Variants in TMEM131 observed in about 807,000 individuals in gnomAD.
TMEM131 encodes transmembrane protein 131.
TMEM131 carries 66 observed loss-of-function variants against 211.6 expected under a neutral mutation model. That is an observed-to-expected ratio of 0.31 (90% CI 0.26 to 0.38). The LOEUF (loss-of-function observed/expected upper bound fraction) is 0.38. TMEM131 is among the 10% of genes least tolerant of loss of function. TMEM131 has a pLI of 1.00. For missense variants in TMEM131, 2,036 were observed against 2,299.3 expected, an observed-to-expected ratio of 0.89 and a Z score of 2.34; for synonymous variants, 844 against 841.3, an observed-to-expected ratio of 1.00 and a Z score of -0.06.
At chr2:97,826,469 G>A (rs1041423540) in intron 11 of TMEM131, among the ~76,000 whole-genome samples, 12 of 152,134 alleles carry the variant, frequency 7.9e-5, no homozygotes, top group African/African-American at 2.7e-4. Flanking sequence ...GTCTCACACC[G>A]CCGAAGCCAT....
At chr2:97,837,619 A>G (rs975308575) in intron 7 of TMEM131, among the ~76,000 whole-genome samples, 1 of 152,242 alleles carries the variant, frequency 6.6e-6, no homozygotes, top group Non-Finnish European at 1.5e-5. Context: ...TATTTGAGAT[A>G]TATACAAAAT....
At chr2:97,821,195 A>G (rs1183206773) in intron 11 of TMEM131, among the ~76,000 whole-genome samples, 4 of 152,206 alleles carry the variant, frequency 2.6e-5, no homozygotes, top group African/African-American at 9.7e-5. Flanking sequence ...CTCTGTGTCT[A>G]GCTAAAGGAT....
intron 1 of TMEM131, among the ~76,000 whole-genome samples, chr2:97,959,482 T>C (rs114046197): frequency 0.012 from 1,816 of 152,316 alleles, 38 homozygotes; most frequent in African/African-American, 0.041. Context: ...AACAACTGTA[T>C]TTATCAGATT....
At chr2:97,767,803 T>C (rs1369543105) in intron 33 of TMEM131, among the ~76,000 whole-genome samples, 1 of 152,182 alleles carries the variant, frequency 6.6e-6, no homozygotes, top group Admixed American at 6.5e-5. Flanking sequence ...ATCCTCCAAG[T>C]TCTTCACGCA....
Position 97,766,578 on chromosome 2 carries a change from G to T in TMEM131, c.4473C>A (p.Pro1491=). The change falls in exon 34 of 41, where the codon CCC becomes CCA. Residue 1491 remains proline (P), a synonymous_variant. Transcript: ENST00000186436. ...TTCTACGTTGCTTACTTTCCAAAGG[G>T]GGAGTATATGGTAGTTCTAATGAAC... ...KPSSLELPYT[P]PLESKQRRNL... 6.2e-7 allele frequency: 1 copy of T among 1,613,896 alleles called. No individual in the cohort carries two copies. Among genetic ancestry groups the T allele is most frequent in the Non-Finnish European group, 8.5e-7 (1 of 1,179,850 alleles).
At chr2:97,930,455 A>C (rs935259890) in intron 1 of TMEM131, among the ~76,000 whole-genome samples, 1 of 151,878 alleles carries the variant, frequency 6.6e-6, no homozygotes, top group African/African-American at 2.4e-5. Flanking sequence ...AGTATGAGTT[A>C]TGTTAAAAAT....
chr2:97,821,968 T>C (rs1027199197), intron 11 of TMEM131, among the ~76,000 whole-genome samples: 9 of 152,212 alleles, frequency 5.9e-5, no homozygotes, highest in African/African-American at 1.9e-4. Flanking sequence ...AAAAAGTTGG[T>C]TGACTGTGGC....
At chr2:97,851,767 C>CT (rs767661420) in intron 5 of TMEM131, among the ~76,000 whole-genome samples, 19 of 152,212 alleles carry the variant, frequency 1.2e-4, no homozygotes, top group Non-Finnish European at 2.4e-4. Flanking sequence ...TATGTGTGTT[C>CT]TCATTGCTCC....
chr2:97,962,592 C>A (rs554264546), intron 1 of TMEM131, among the ~76,000 whole-genome samples: 2 of 152,162 alleles, frequency 1.3e-5, no homozygotes, highest in African/African-American at 2.4e-5. Context: ...GTAAAATCAA[C>A]TGGAACTCTC....
Position 97,960,235 on chromosome 2 carries a change from C to A in TMEM131, c.188-32748G>T, listed in dbSNP as rs1456839137. ...TAATTTTTAGCATCCATTGACAATT[C>A]CTGCCTGAGTCAATGATTACAGTGG... On this transcript the variant is annotated intron_variant, in intron 1 of 40. Transcript: ENST00000186436. 2.6e-5 allele frequency among the ~76,000 whole-genome samples: 4 copies of A among 152,152 alleles called. No individual in the cohort carries two copies. In the East Asian group the frequency reaches 7.7e-4, roughly 29 times the overall value.
chr2:97,935,770 T>A (rs1677415524), intron 1 of TMEM131, among the ~76,000 whole-genome samples: 1 of 152,196 alleles, frequency 6.6e-6, no homozygotes, highest in African/African-American at 2.4e-5. Context: ...TTCTAAGAAC[T>A]CTGGCAATTA....
chr2:97,831,028 TAAGAA>T (rs1682657186), intron 11 of TMEM131, among the ~76,000 whole-genome samples: 1 of 152,164 alleles, frequency 6.6e-6, no homozygotes, highest in Non-Finnish European at 1.5e-5. Flanking sequence ...GGGAAAACCT[TAAGAA>T]GAGCTCTGAA....
At chr2:97,793,575 G>A in intron 29 of TMEM131, 22 bp from the exon 30 acceptor site, 1 of 1,577,100 alleles carries the variant, frequency 6.3e-7, no homozygotes, top group Non-Finnish European at 8.6e-7. Flanking sequence ...AAAAAAATTG[G>A]AAAATCAGGA....
intron 1 of TMEM131, among the ~76,000 whole-genome samples, chr2:97,968,692 A>C (rs1679163388): frequency 6.6e-6 from 1 of 152,196 alleles, no homozygotes; most frequent in African/African-American, 2.4e-5. Context: ...TGAAGACGAG[A>C]CCTGGCAAGT....
At position 97,795,052 on chromosome 2, in the gene TMEM131, G is replaced by A. The variant is rs775919572; in HGVS notation, c.3264C>T (p.Gly1088=). The A allele has an allele frequency of 6.2e-7, 1 of 1,613,854 alleles. No homozygotes were observed. The highest frequency in any genetic ancestry group is 8.5e-7 in the Non-Finnish European group (1 of 1,179,770). ...IRELKFITTS[G]SEFVFILNAS... ...CATTCAATATAAATACAAACTCAGA[G>A]CCACTGGTTGTTATAAACTTCAGTT... Residue 1088 remains glycine (G), a synonymous_variant, in exon 29 of 41, where the codon GGC becomes GGT. Coordinates refer to ENST00000186436, the MANE Select transcript of TMEM131 (RefSeq NM_015348.2).
rs990125225 is a variant in TMEM131, at chr2:97,766,493, C to A, written c.4558G>T (p.Ala1520Ser). ...AMTSGSKSRN[A>S]QKTKGTSKLV... ...ATGACAATACCTTTTGTTTTCTGGG[C>A]ATTTCGTGATTTGGATCCACTTGTC... Residue 1520 changes from alanine to serine, a missense_variant, in exon 34 of 41, where the codon GCC becomes TCC. Around this residue, in one of 3 missense-constraint regions of TMEM131, gnomAD observed 1,623 missense variants for 1,805.9 expected, o/e 0.90. Transcript: ENST00000186436. 1.2e-6 allele frequency: 2 copies of A among 1,613,902 alleles called. No individual in the cohort carries two copies. Among genetic ancestry groups the A allele is most frequent in the Non-Finnish European group, 1.7e-6 (2 of 1,179,866 alleles).
intron 3 of TMEM131, among the ~76,000 whole-genome samples, chr2:97,905,478 A>G (rs1405626582): frequency 1.3e-5 from 2 of 152,072 alleles, no homozygotes; most frequent in African/African-American, 4.8e-5. Context: ...TCCCTCTCCC[A>G]ATTCCTAGGA....
At chr2:97,765,446 G>A (rs1391996599) in intron 35 of TMEM131, 22 of 152,594 alleles carry the variant, frequency 1.4e-4, no homozygotes, top group African/African-American at 5.1e-4. Context: ...ACAGTGGTGA[G>A]TGCGGACCAA....
At chr2:97,793,654 G>A (rs1680608784) in intron 29 of TMEM131, 101 bp from the exon 30 acceptor site, 1 of 1,204,906 alleles carries the variant, frequency 8.3e-7, no homozygotes, top group Non-Finnish European at 1.1e-6. Context: ...AGTACAATAT[G>A]ATGTAATAGA....
Sources: gnomAD v4.1 joint callset for allele counts (sites outside exome capture counted in the v4.1 genomes callset) on GRCh38, gnomAD v4.1.1 for gene constraint, gnomAD v4.1.1 regional missense constraint, MANE v1.5 for transcripts, NCBI Gene and HGNC (gene_info 2026-07-23, HGNC 2026-07-21) for gene names.